Variants in TMCC1 observed in about 807,000 individuals in gnomAD.
TMCC1 encodes the protein transmembrane and coiled-coil domain family 1.
Under a neutral mutation model 52.4 loss-of-function variants are expected in TMCC1, and 15 were observed. The ratio of observed to expected loss-of-function variants is 0.29; its 90% CI spans 0.19 to 0.44. The LOEUF is 0.44. Among genes scored for constraint, TMCC1 ranks in the 20% least tolerant of loss-of-function variants. The probability of loss-of-function intolerance (pLI) is 1.00; values close to 1 mark genes in which losing one functional copy is unlikely to be tolerated. For synonymous variants in TMCC1, 279 were observed against 301.9 expected, an observed-to-expected ratio of 0.92 and a Z score of 0.79; for missense variants, 503 against 806.0, an observed-to-expected ratio of 0.62 and a Z score of 4.55.
intron 2 of TMCC1, chr3:129,861,079 T>C (rs2060368975): frequency 6.6e-6 from 1 of 152,202 alleles, no homozygotes; most frequent in Non-Finnish European, 1.5e-5. Context: ...ATGATATTCC[T>C]TTGGTGCTCT....
In TMCC1 at chr3:129,649,966, C is replaced by G. The variant is rs1319159771; in HGVS notation, c.*1515G>C. 4 of 152,482 alleles carry G rather than the reference C, an allele frequency of 2.6e-5. No homozygotes were observed. Among genetic ancestry groups the G allele is most frequent in the African/African-American group, 9.7e-5 (4 of 41,400 alleles). 9.4% of individuals were successfully genotyped at this position (152,482 alleles called of 1,614,324 possible). A position where few individuals can be genotyped will look rare whatever the true frequency, so the allele number is the denominator to read the frequency against. ...CATAATTAGGTTAGGTTAACAAGTC[C>G]GTTTACATTATAGGAAGCTGGCAAC... On this transcript the variant is annotated 3_prime_UTR_variant, in exon 7 of 7. Coordinates refer to ENST00000393238, the MANE Select transcript of TMCC1 (RefSeq NM_001017395.5).
intron 5 of TMCC1, among the ~76,000 whole-genome samples, chr3:129,666,565 C>T (rs1321416354): frequency 2.6e-5 from 4 of 151,912 alleles, no homozygotes; most frequent in Non-Finnish European, 5.9e-5. Flanking sequence ...ATGGTAAAAC[C>T]CCGCCTCTCT....
At chr3:129,823,848 G>T (rs372689812) in intron 4 of TMCC1, among the ~76,000 whole-genome samples, 158 of 152,206 alleles carry the variant, frequency 1.0e-3, no homozygotes, top group African/African-American at 3.4e-3. Context: ...CCAAATCTCT[G>T]ATGAATAAAA....
At chr3:129,758,791 A>C (rs190175672) in intron 4 of TMCC1, among the ~76,000 whole-genome samples, 11 of 152,328 alleles carry the variant, frequency 7.2e-5, no homozygotes, top group Admixed American at 7.2e-4. Context: ...CTCATCTTAC[A>C]AAACTGAAAC....
intron 4 of TMCC1, among the ~76,000 whole-genome samples, chr3:129,809,675 G>A (rs1363973823): frequency 2.0e-5 from 3 of 152,086 alleles, no homozygotes; most frequent in South Asian, 4.1e-4. Context: ...GAGAGAGAGA[G>A]GTAAAGACAG....
intron 4 of TMCC1, among the ~76,000 whole-genome samples, chr3:129,742,509 G>A (rs1382384196): frequency 6.6e-6 from 1 of 152,076 alleles, no homozygotes; most frequent in African/African-American, 2.4e-5. Context: ...AAATAAAAAT[G>A]TGATACTACT....
At chr3:129,721,012 T>C (rs1043739598) in intron 4 of TMCC1, among the ~76,000 whole-genome samples, 11 of 152,228 alleles carry the variant, frequency 7.2e-5, no homozygotes, top group African/African-American at 2.4e-4. Context: ...AGTTTTAAGG[T>C]GGGGTGTTAC....
intron 4 of TMCC1, among the ~76,000 whole-genome samples, chr3:129,791,505 C>T (rs1197027558): frequency 6.6e-6 from 1 of 152,166 alleles, no homozygotes; most frequent in Non-Finnish European, 1.5e-5. Flanking sequence ...GACTTAACTT[C>T]TCTGAAACTC....
Position 129,671,087 on chromosome 3 carries a change from G to C in TMCC1, c.754C>G (p.Gln252Glu). The change falls in exon 5 of 7, where the codon CAA becomes GAA. Residue 252 changes from glutamine (Q) to glutamate (E), a missense_variant. Physicochemically the swap from Gln to Glu is conservative, Grantham distance 29. This residue lies in a region of TMCC1 where 73 missense variants were observed against 182.9 expected (regional missense o/e 0.40). Coordinates refer to ENST00000393238, the MANE Select transcript of TMCC1 (RefSeq NM_001017395.5). ...GCAACGTTGTCGTCCCGGGCTGTTT[G>C]TGCAATCTTGATTTGTTCTGTGAGC... ...LKLTEQIKIA[Q>E]TARDDNVAEY... 6.2e-7 allele frequency: 1 copy of C among 1,614,198 alleles called. No homozygotes were observed. The highest frequency in any genetic ancestry group is 8.5e-7 in the Non-Finnish European group (1 of 1,180,032).
intron 2 of TMCC1, among the ~76,000 whole-genome samples, chr3:129,837,038 G>A (rs1320434877): frequency 6.6e-6 from 1 of 152,198 alleles, no homozygotes; most frequent in Non-Finnish European, 1.5e-5. Flanking sequence ...AGGAAAGGAA[G>A]CTGACACCCA....
chr3:129,662,602 C>T (rs563599321), intron 5 of TMCC1, among the ~76,000 whole-genome samples: 2 of 152,228 alleles, frequency 1.3e-5, no homozygotes, highest in South Asian at 4.1e-4. Context: ...TGTACCACTG[C>T]ACTCCAGCCT....
chr3:129,709,217 C>T (rs1001437750), intron 4 of TMCC1, among the ~76,000 whole-genome samples: 1 of 152,046 alleles, frequency 6.6e-6, no homozygotes, highest in Non-Finnish European at 1.5e-5. Context: ...AATCCTAGCA[C>T]TTTGGAAGGC....
chr3:129,829,418 T>A (rs1268494162), intron 3 of TMCC1, among the ~76,000 whole-genome samples: 1 of 69,970 alleles, frequency 1.4e-5, no homozygotes, highest in Non-Finnish European at 2.6e-5. Flanking sequence ...AGATGTAAAA[T>A]CAACGCAACT....
chr3:129,810,175 G>A (rs966729204), intron 4 of TMCC1, among the ~76,000 whole-genome samples: 1 of 152,038 alleles, frequency 6.6e-6, no homozygotes, highest in Non-Finnish European at 1.5e-5. Flanking sequence ...TGGGCAACAT[G>A]GTAAAACCCC....
chr3:129,811,141 A>AT (rs1224553854), intron 4 of TMCC1, among the ~76,000 whole-genome samples: 38 of 152,354 alleles, frequency 2.5e-4, no homozygotes, highest in Non-Finnish European at 4.7e-4. Flanking sequence ...GAGCATCCAC[A>AT]TGGGGAAGGT....
At chr3:129,693,343 AC>A (rs1335118711) in intron 4 of TMCC1, among the ~76,000 whole-genome samples, 19 of 152,144 alleles carry the variant, frequency 1.2e-4, no homozygotes, top group Non-Finnish European at 1.5e-5. Flanking sequence ...AAGGTTCTTT[AC>A]TTGTGAAAGA....
Position 129,737,963 on chromosome 3 carries a change from C to T in TMCC1, c.577-66699G>A, listed in dbSNP as rs932493848. Among the ~76,000 whole-genome samples, 4 of 152,178 alleles carry T rather than the reference C, an allele frequency of 2.6e-5. No individual in the cohort carries two copies. The South Asian group carries it at 6.2e-4, about 24-fold the overall frequency. On this transcript the variant is annotated intron_variant, in intron 4 of 6. Coordinates refer to ENST00000393238, the MANE Select transcript of TMCC1 (RefSeq NM_001017395.5). ...AATATATATAAACTCCAGAACTATA[C>T]TTCTTTCTTAAAAGAAAGAGAGCTC...
intron 4 of TMCC1, among the ~76,000 whole-genome samples, chr3:129,727,775 GTCT>G (rs1237975924): frequency 2.0e-5 from 3 of 152,184 alleles, no homozygotes; most frequent in South Asian, 2.1e-4. Context: ...GCCCCACGTA[GTCT>G]TCTTCCCATA....
chr3:129,737,779 A>T (rs2051103774), intron 4 of TMCC1, among the ~76,000 whole-genome samples: 1 of 152,194 alleles, frequency 6.6e-6, no homozygotes, highest in Non-Finnish European at 1.5e-5. Flanking sequence ...CTACAATGCC[A>T]TTCTCACACC....
Sources: allele counts gnomAD v4.1 joint callset (sites outside exome capture counted in the v4.1 genomes callset), GRCh38; gene constraint gnomAD v4.1.1; regional missense constraint gnomAD v4.1.1; transcripts MANE v1.5; gene names NCBI Gene and HGNC (gene_info 2026-07-23, HGNC 2026-07-21).